COL5A3: variants seen among roughly 807,000 people sequenced by gnomAD.
The protein encoded by COL5A3 is collagen type V alpha 3 chain.
COL5A3 carries 172 observed loss-of-function variants against 250.0 expected under a neutral mutation model. The observed-to-expected ratio is 0.69, with a 90% CI of 0.61 to 0.78. The LOEUF (loss-of-function observed/expected upper bound fraction) is 0.78. Ranked by LOEUF, COL5A3 falls within the 30% of genes least tolerant of loss-of-function variation. The pLI is 0.00. For synonymous variants in COL5A3, 937 were observed against 900.4 expected (o/e 1.04, Z -0.73); for missense variants, 2,340 against 2,334.4 (o/e 1.00, Z -0.05).
chr19:9,960,770 G>A lies in COL5A3; in HGVS notation c.4972C>T (p.Leu1658=). 5.0e-6 allele frequency: 8 copies of A among 1,614,028 alleles called. No individual in the cohort carries two copies. The highest frequency in any genetic ancestry group is 6.8e-6 in the Non-Finnish European group (8 of 1,180,032). ...CTGTAGTCACCCGTGGCTTCGTCCA[G>A]CCAGGCAGCTGCATTCTGGCAGGAG... ...TYSCQNAAAW[L]DEATGDYSHS... Residue 1658 remains leucine, a synonymous_variant, in exon 66 of 67, where the codon CTG becomes TTG. Transcript: ENST00000264828.
In COL5A3 at chr19:9,968,325, A is replaced by G. The variant is rs1421383759; in HGVS notation, c.4314+60T>C. 23 of 1,369,888 alleles carry G rather than the reference A, an allele frequency of 1.7e-5. 1 individual carries two copies. The highest frequency in any genetic ancestry group is 5.0e-5 in the South Asian group (4 of 80,768). 84.9% of individuals were successfully genotyped at this position (1,369,888 alleles called of 1,614,324 possible). A position where few individuals can be genotyped will look rare whatever the true frequency, so the allele number is the denominator to read the frequency against. On this transcript the variant is annotated intron_variant, in intron 59 of 66. Transcript: ENST00000264828. The surrounding 1 kb of genome is among the most constrained non-coding windows in gnomAD (Gnocchi z 4.1). ...CACGTTTCCCAGACCCCACACCCAC[A>G]GTCTCTCAACCGACCCCCTCCTTCA...
In COL5A3 at chr19:9,980,633, C is replaced by T. The variant is rs1162447775; in HGVS notation, c.2604+15G>A. 1.2e-6 allele frequency: 2 copies of T among 1,612,660 alleles called. No individual in the cohort carries two copies. The highest frequency in any genetic ancestry group is 1.7e-5 in the Admixed American group (1 of 59,800). On this transcript the variant is annotated intron_variant, in intron 35 of 66. Coordinates refer to ENST00000264828, the MANE Select transcript of COL5A3 (RefSeq NM_015719.4). The stretch of plus-strand genomic sequence containing the variant: ...ACACACACATTCACACACACACACA[C>T]ACACACACACTCACCTTTTCTCCAG...
rs1247348209 is a variant in COL5A3, at chr19:10,003,914, G to A, written c.699+127C>T. 5 of 1,001,024 alleles carry A rather than the reference G, an allele frequency of 5.0e-6. No homozygotes were observed. In the Admixed American group the frequency reaches 5.6e-5, roughly 11 times the overall value. 62.0% of individuals were successfully genotyped at this position (1,001,024 alleles called of 1,614,324 possible). A position where few individuals can be genotyped will look rare whatever the true frequency, so the allele number is the denominator to read the frequency against. Reference sequence around the variant, plus strand: ...GGTCAAAGTCATTCATGCCTGGGATGTGTTGGAGGTCACGGGTCACTTAAC... The same window carrying A: ...GGTCAAAGTCATTCATGCCTGGGATATGTTGGAGGTCACGGGTCACTTAAC... On this transcript the variant is annotated intron_variant, in intron 5 of 66. Coordinates refer to ENST00000264828, the MANE Select transcript of COL5A3 (RefSeq NM_015719.4).
At chr19:9,964,722 G>T (rs1472170665) in intron 64 of COL5A3, among the ~76,000 whole-genome samples, 1 of 151,764 alleles carries the variant, frequency 6.6e-6, no homozygotes. Flanking sequence ...TGTAGTCAGG[G>T]TTTAGTAAAT....
intron 62 of COL5A3, among the ~76,000 whole-genome samples, 167 bp from the exon 63 acceptor site, chr19:9,966,913 G>GAAAGA (rs1275651068): frequency 1.3e-5 from 2 of 152,080 alleles, no homozygotes; most frequent in Non-Finnish European, 2.9e-5. Flanking sequence ...AAGCAGACAG[G>GAAAGA]GAGAGACACA....
intron 41 of COL5A3, 28 bp downstream of exon 41, chr19:9,978,546 C>G: frequency 2.0e-6 from 3 of 1,531,608 alleles, no homozygotes; most frequent in Non-Finnish European, 2.7e-6. Context: ...CCACCCTGCC[C>G]CCACCCAGCA....
chr19:9,966,310 T>G lies in COL5A3; in HGVS notation c.4782+4A>C. ...GGAGGCGATGAGAGGTTTGGGTTACTCACGATCTCAAACTTCTTGTCGGGA... is the reference window on the plus strand; with the variant it reads ...GGAGGCGATGAGAGGTTTGGGTTACGCACGATCTCAAACTTCTTGTCGGGA... On this transcript the variant is annotated splice_donor_region_variant and intron_variant, in intron 64 of 66. Transcript: ENST00000264828. 6.2e-7 allele frequency: 1 copy of G among 1,604,612 alleles called. No individual in the cohort carries two copies. The highest frequency in any genetic ancestry group is 8.5e-7 in the Non-Finnish European group (1 of 1,174,450).
At position 9,980,003 on chromosome 19, in the gene COL5A3, C is replaced by G. The variant is rs1168740427; in HGVS notation, c.2649G>C (p.Lys883Asn). 6.3e-7 allele frequency: 1 copy of G among 1,587,254 alleles called. No homozygotes were observed. Among genetic ancestry groups the G allele is most frequent in the East Asian group, 2.3e-5 (1 of 44,312 alleles). ...LQGPPGFPGP[K>N]GPPGHQGKDG... ...GGGTGACCTCACTCACAGGGGGGCC[C>G]TTTGGCCCAGGGAATCCTGGAGGGC... is the stretch of plus-strand genomic sequence containing the variant. The change falls in exon 36 of 67, where the codon AAG becomes AAC. Residue 883 changes from lysine to asparagine, a missense_variant. Lys to Asn is a moderately conservative substitution (Grantham distance 94). Around this residue, in one of 3 missense-constraint regions of COL5A3, gnomAD observed 1,179 missense variants for 1,162.6 expected, o/e 1.01. Coordinates refer to ENST00000264828, the MANE Select transcript of COL5A3 (RefSeq NM_015719.4).
At position 9,960,724 on chromosome 19, in the gene COL5A3, C is replaced by T. The variant is rs1315009678; in HGVS notation, c.5018G>A (p.Gly1673Asp). 6.2e-7 allele frequency: 1 copy of T among 1,614,076 alleles called. No homozygotes were observed. Among genetic ancestry groups the T allele is most frequent in the Admixed American group, 1.7e-5 (1 of 59,992 alleles). The change falls in exon 66 of 67, where the codon GGC becomes GAC. Residue 1673 changes from glycine to aspartate, a missense_variant. Transcript: ENST00000264828. ...GAAAGACAGCTCCTCTCCATTGGTG[C>T]CAAGGAAGCGGGCGGAGTGGCTGTA... ...GDYSHSARFL[G>D]TNGEELSFNQ...
chr19:9,964,661 G>A (rs1003386211), intron 64 of COL5A3, among the ~76,000 whole-genome samples: 1 of 151,674 alleles, frequency 6.6e-6, no homozygotes, highest in Non-Finnish European at 1.5e-5. Flanking sequence ...TACCGGCCAG[G>A]TTCTTGCTAA....
intron 64 of COL5A3, among the ~76,000 whole-genome samples, chr19:9,965,154 T>TC: frequency 1.1e-5 from 1 of 94,194 alleles, no homozygotes; most frequent in East Asian, 2.9e-4. Flanking sequence ...TCTTTTCTTT[T>TC]TCTTTTTTTT....
At chr19:10,001,107 TA>T (rs1339606625) in intron 8 of COL5A3, among the ~76,000 whole-genome samples, 5 of 151,434 alleles carry the variant, frequency 3.3e-5, no homozygotes, top group Non-Finnish European at 5.9e-5. Flanking sequence ...AAAGTTTTTT[TA>T]AAAAAAGAAA....
At position 9,973,602 on chromosome 19, in the gene COL5A3, C is replaced by G; in HGVS notation, c.3634G>C (p.Asp1212His). The G allele has an allele frequency of 6.2e-7, 1 of 1,613,026 alleles. No homozygotes were observed. Reference protein sequence around the residue: ...GEKGERGDAGDPGPPGAPGIP... With the variant: ...GEKGERGDAGHPGPPGAPGIP... Reference sequence around the variant, plus strand: ...CCTGGGGCTCCTGGAGGCCCTGGGTCTCCAGCGTCCCCTCGCTCACCCTGC... The same window carrying G: ...CCTGGGGCTCCTGGAGGCCCTGGGTGTCCAGCGTCCCCTCGCTCACCCTGC... The change falls in exon 50 of 67, where the codon GAC (aspartate) becomes CAC (histidine). Residue 1212 changes from aspartate (D) to histidine (H), a missense_variant. Physicochemically the swap from Asp to His is moderately conservative, Grantham distance 81. Coordinates refer to ENST00000264828, the MANE Select transcript of COL5A3 (RefSeq NM_015719.4).
chr19:9,978,812 C>G, intron 40 of COL5A3, 79 bp downstream of exon 40: 4 of 1,096,814 alleles, frequency 3.6e-6, no homozygotes, highest in Non-Finnish European at 5.0e-6. Flanking sequence ...ACCCCAAATG[C>G]TATTCCCCAT....
At chr19:9,986,252 G>A in intron 30 of COL5A3, 63 bp downstream of exon 30, 1 of 1,155,052 alleles carries the variant, frequency 8.7e-7, no homozygotes, top group Non-Finnish European at 1.2e-6. Flanking sequence ...AAGGGCAAAG[G>A]GCAGAGGGAA....
Position 9,969,968 on chromosome 19 carries a change from G to T in COL5A3, c.3937-46C>A, listed in dbSNP as rs1165142711. On this transcript the variant is annotated intron_variant, in intron 54 of 66. Transcript: ENST00000264828. ...AGGGGGGTCTAGGGGCTGACTGAGG[G>T]TCAGAGGGGTGAGTGGGGTCTGGGT... 2.6e-6 allele frequency: 4 copies of T among 1,567,588 alleles called. No individual in the cohort carries two copies. The South Asian group carries it at 4.4e-5, about 17-fold the overall frequency.
intron 20 of COL5A3, 55 bp from the exon 21 acceptor site, chr19:9,992,935 T>A: frequency 6.2e-7 from 1 of 1,609,170 alleles, no homozygotes; most frequent in Non-Finnish European, 8.5e-7. Flanking sequence ...CCATGTGAGC[T>A]CTAGGGGTCC....
At position 9,968,417 on chromosome 19, in the gene COL5A3, C is replaced by T. The variant is rs3815746; in HGVS notation, c.4282G>A (p.Val1428Met). 339,901 of 1,590,988 alleles carry T rather than the reference C, an allele frequency of 0.21. 36,991 individuals are homozygous for T. Among genetic ancestry groups the T allele is most frequent in the East Asian group, 0.23 (10,461 of 44,580 alleles). The change falls in exon 59 of 67, where the codon GTG (valine) becomes ATG (methionine). Residue 1428 changes from valine (V) to methionine (M), a missense_variant. This residue lies in a region of COL5A3 where 1,179 missense variants were observed against 1,162.6 expected (regional missense o/e 1.01). Coordinates refer to ENST00000264828, the MANE Select transcript of COL5A3 (RefSeq NM_015719.4). This position sits in a 1 kb window ranked among gnomAD's most constrained non-coding sequence, Gnocchi z 4.1. ...CCCTTGGGACCAGGGGGTCCCTGCA[C>T]GCCTGGCAACCCCTGATCTCCTTTC... ...GEKGDQGLPG[V>M]QGPPGPKGDP... is the part of the protein sequence containing the mutation.
intron 48 of COL5A3, 51 bp downstream of exon 48, chr19:9,973,868 G>A (rs1316153529): frequency 6.2e-7 from 1 of 1,607,070 alleles, no homozygotes; most frequent in South Asian, 1.1e-5. Context: ...CTCTTCTTAG[G>A]AAATGGTTGT....
Sources: allele counts gnomAD v4.1 joint callset (sites outside exome capture counted in the v4.1 genomes callset), GRCh38; gene constraint gnomAD v4.1.1; regional missense constraint gnomAD v4.1.1; non-coding constraint Gnocchi (gnomAD v3.1); transcripts MANE v1.5; gene names NCBI Gene and HGNC (gene_info 2026-07-23, HGNC 2026-07-21).